Variants in GABRA3 observed in about 807,000 individuals in gnomAD.
GABRA3 encodes gamma-aminobutyric acid type A receptor subunit alpha3, also known as gamma-aminobutyric acid receptor subunit alpha-3.
GABRA3 carries 10 observed loss-of-function variants against 30.1 expected under a neutral mutation model. The ratio of observed to expected loss-of-function variants is 0.33; its 90% CI spans 0.20 to 0.56. GABRA3 has a LOEUF of 0.56. Among genes scored for constraint, GABRA3 ranks in the 20% least tolerant of loss-of-function variants. The pLI is 0.89. For synonymous variants in GABRA3, 151 were observed against 146.8 expected (o/e 1.03, Z -0.21); for missense variants, 233 against 392.0 (o/e 0.59, Z 3.42).
chrX:152,183,066 G>A (rs1937206348), intron 9 of GABRA3, among the ~76,000 whole-genome samples: 1 of 107,912 alleles, frequency 9.3e-6, no homozygotes, highest in Admixed American at 1.0e-4. Flanking sequence ...TGAAGGTAAT[G>A]CTGGCCATAT....
At chrX:152,234,550 C>T (rs1938158589) in intron 5 of GABRA3, among the ~76,000 whole-genome samples, 1 of 111,447 alleles carries the variant, frequency 9.0e-6, no homozygotes, top group African/African-American at 3.3e-5. Flanking sequence ...TTTGCCAAGG[C>T]CAATGATCAG....
intron 2 of GABRA3, among the ~76,000 whole-genome samples, chrX:152,355,322 T>A (rs1386482850): frequency 9.0e-6 from 1 of 111,632 alleles, no homozygotes; most frequent in East Asian, 2.8e-4. Flanking sequence ...CGTTCTCCTT[T>A]CTAGAAGGCT....
At chrX:152,387,782 T>TA (rs1239864984) in intron 1 of GABRA3, among the ~76,000 whole-genome samples, 5 of 111,679 alleles carry the variant, frequency 4.5e-5, no homozygotes, top group African/African-American at 1.6e-4. Flanking sequence ...AAAAAAATGC[T>TA]AAACAATTCT....
At chrX:152,401,558 G>A (rs1321486573) in intron 1 of GABRA3, among the ~76,000 whole-genome samples, 1 of 111,303 alleles carries the variant, frequency 9.0e-6, no homozygotes, top group Non-Finnish European at 1.9e-5. Context: ...TTACTAATAA[G>A]TGTAAAAGAA....
At chrX:152,217,229 A>G (rs1048210284) in intron 6 of GABRA3, among the ~76,000 whole-genome samples, 1 of 111,176 alleles carries the variant, frequency 9.0e-6, no homozygotes, top group Non-Finnish European at 1.9e-5. Flanking sequence ...CCATTTTATT[A>G]ATATGTCATA....
intron 4 of GABRA3, among the ~76,000 whole-genome samples, chrX:152,264,311 T>C (rs1243923682): frequency 9.0e-6 from 1 of 111,586 alleles, no homozygotes; most frequent in African/African-American, 3.3e-5. Flanking sequence ...AAGATATAAA[T>C]AGAAACAACA....
rs767426863 is a variant in GABRA3 at position 152,280,215 on chromosome X, A to C, written c.330+4453T>G. On this transcript the variant is annotated intron_variant, in intron 4 of 9. Transcript: ENST00000370314. ...CATTGTTTATATTTCCTGGCTCTCT[A>C]TGTTACGTAAAAATATCCAAGGAGA... 9.0e-5 allele frequency among the ~76,000 whole-genome samples: 10 copies of C among 111,030 alleles called. 1 individual carries two copies. The East Asian group carries it at 2.3e-3, about 25-fold the overall frequency.
chrX:152,212,833 G>A (rs1283199356), intron 6 of GABRA3, among the ~76,000 whole-genome samples: 2 of 111,676 alleles, frequency 1.8e-5, no homozygotes, highest in Admixed American at 1.9e-4. Flanking sequence ...CCACTGGGGA[G>A]CAGAATTCTT....
At chrX:152,375,941 T>C (rs1251966767) in intron 1 of GABRA3, among the ~76,000 whole-genome samples, 1 of 112,004 alleles carries the variant, frequency 8.9e-6, no homozygotes, top group Admixed American at 9.5e-5. Context: ...GCCTCATTCA[T>C]ATCCCCTTGG....
intron 9 of GABRA3, among the ~76,000 whole-genome samples, chrX:152,184,133 T>C (rs1937222873): frequency 9.0e-6 from 1 of 111,716 alleles, no homozygotes; most frequent in African/African-American, 3.2e-5. Context: ...TAGCATCCTG[T>C]TCTTATTTTA....
intron 9 of GABRA3, 30 bp downstream of exon 9, chrX:152,189,700 C>A (rs1937298459): frequency 1.8e-6 from 2 of 1,102,416 alleles, no homozygotes; most frequent in African/African-American, 3.6e-5. Context: ...CTCGGGGGTG[C>A]TTCTCAGTTT....
chrX:152,384,050 T>C (rs191041024), intron 1 of GABRA3, among the ~76,000 whole-genome samples: 226 of 108,797 alleles, frequency 2.1e-3, no homozygotes, highest in African/African-American at 6.9e-3. Context: ...AAAATACCCT[T>C]ACAAAAATCA....
intron 6 of GABRA3, among the ~76,000 whole-genome samples, chrX:152,218,450 C>T (rs780268211): frequency 1.6e-4 from 18 of 110,722 alleles, no homozygotes; most frequent in South Asian, 1.1e-3. Flanking sequence ...TTTGGTGGAA[C>T]GCTCTATAGA....
At chrX:152,278,213 CTT>C (rs1186010433) in intron 4 of GABRA3, among the ~76,000 whole-genome samples, 1 of 109,876 alleles carries the variant, frequency 9.1e-6, no homozygotes. Context: ...CAACCACTAA[CTT>C]GTCATTTAAC....
intron 6 of GABRA3, among the ~76,000 whole-genome samples, chrX:152,216,025 C>T (rs1185476345): frequency 3.6e-5 from 4 of 110,378 alleles, no homozygotes; most frequent in East Asian, 2.9e-4. Context: ...CAAATCAAAA[C>T]CACAATTAGA....
chrX:152,240,727 C>T (rs1247522884), intron 5 of GABRA3, among the ~76,000 whole-genome samples: 2 of 100,531 alleles, frequency 2.0e-5, no homozygotes, highest in East Asian at 3.4e-4. Flanking sequence ...CTTCCCTTCT[C>T]GCTTCATTTC....
chrX:152,439,679 T>C lies in GABRA3; in HGVS notation c.-27+11467A>G, dbSNP rs921044054. Among the ~76,000 whole-genome samples, 10 of 111,572 alleles carry C rather than the reference T, an allele frequency of 9.0e-5. No individual in the cohort carries two copies. In the Admixed American group the frequency reaches 9.5e-4, roughly 11 times the overall value. On this transcript the variant is annotated intron_variant, in intron 1 of 9. Coordinates refer to ENST00000370314, the MANE Select transcript of GABRA3 (RefSeq NM_000808.4). ...GAACATTTATAACAGCATTGCGACA[T>C]GGCTAAATAGTGGGAAAAAAACAAA... is the stretch of plus-strand genomic sequence containing the variant.
At chrX:152,325,173 G>A (rs1940033158) in intron 3 of GABRA3, among the ~76,000 whole-genome samples, 1 of 111,424 alleles carries the variant, frequency 9.0e-6, no homozygotes, top group Non-Finnish European at 1.9e-5. Context: ...GAAGTGATTA[G>A]GTGTTTTGTG....
chrX:152,393,620 C>T, intron 1 of GABRA3: 1 of 246,194 alleles, frequency 4.1e-6, no homozygotes, highest in Non-Finnish European at 7.9e-6. Flanking sequence ...CACATGAATA[C>T]AACTTATTTA....
Sources: gnomAD v4.1 joint callset for allele counts (sites outside exome capture counted in the v4.1 genomes callset) on GRCh38, gnomAD v4.1.1 for gene constraint, MANE v1.5 for transcripts, NCBI Gene and HGNC (gene_info 2026-07-23, HGNC 2026-07-21) for gene names.